The following LNPEP variants were observed in gnomAD, a reference collection of about 807,000 sequenced individuals.
The protein encoded by LNPEP is leucyl-cystinyl aminopeptidase.
Under a neutral mutation model 120.6 loss-of-function variants are expected in LNPEP, and 64 were observed. The observed-to-expected ratio is 0.53, with a 90% confidence interval of 0.43 to 0.65. LNPEP has a LOEUF of 0.65. LNPEP is among the 30% of genes least tolerant of loss of function. LNPEP has a pLI of 0.00. For synonymous variants in LNPEP, 435 were observed against 425.4 expected, an observed-to-expected ratio of 1.02 and a Z score of -0.28; for missense variants, 1,057 against 1,200.0, an observed-to-expected ratio of 0.88 and a Z score of 1.76.
At position 96,979,503 on chromosome 5, in the gene LNPEP, T is replaced by G; in HGVS notation, c.385T>G (p.Tyr129Asp). ...VVAVSVIMVI[Y>D]LLPRCTFTKE... ...TGCTGTTTCTGTAATCATGGTGATTTACTTACTGCCCAGATGTACCTTTAC... is the reference window on the plus strand; with the variant it reads ...TGCTGTTTCTGTAATCATGGTGATTGACTTACTGCCCAGATGTACCTTTAC... The change falls in exon 2 of 18, where the codon TAC (tyrosine) becomes GAC (aspartate). Residue 129 changes from tyrosine to aspartate, a missense_variant. Physicochemically the swap from Tyr to Asp is radical, Grantham distance 160. Transcript: ENST00000231368. 1 of 1,614,066 alleles carries G rather than the reference T, an allele frequency of 6.2e-7. No homozygotes were observed. The highest frequency in any genetic ancestry group is 8.5e-7 in the Non-Finnish European group (1 of 1,179,960).
At chr5:97,007,365 G>A (rs1790811421) in intron 11 of LNPEP, among the ~76,000 whole-genome samples, 1 of 152,096 alleles carries the variant, frequency 6.6e-6, no homozygotes, top group Admixed American at 6.6e-5. Flanking sequence ...TTTTAGGCGA[G>A]TTATGTGAGC....
rs1249678990 is a variant in LNPEP, at chr5:97,024,553, A to G, written c.2594A>G (p.Lys865Arg). ...LPTDVMTTVFKVGAKTDKGWS... is the reference protein window; with the variant it reads ...LPTDVMTTVFRVGAKTDKGWS... ...ACTGATGTCATGACAACTGTGTTCA[A>G]AGTTGGAGCAAAAACTGACAAAGGC... Residue 865 changes from lysine to arginine, a missense_variant, in exon 15 of 18, where the codon AAA becomes AGA. Coordinates refer to ENST00000231368, the MANE Select transcript of LNPEP (RefSeq NM_005575.3). 1 of 1,614,050 alleles carries G rather than the reference A, an allele frequency of 6.2e-7. No individual in the cohort carries two copies. The highest frequency in any genetic ancestry group is 8.5e-7 in the Non-Finnish European group (1 of 1,179,952).
chr5:97,008,660 C>CTGT (rs1158708951), intron 11 of LNPEP, among the ~76,000 whole-genome samples: 3 of 69,738 alleles, frequency 4.3e-5, no homozygotes, highest in African/African-American at 1.5e-4. Flanking sequence ...CTCCTCTTTA[C>CTGT]TCTTTTTTTT....
intron 3 of LNPEP, among the ~76,000 whole-genome samples, chr5:96,985,546 G>A (rs1487988274): frequency 1.3e-5 from 2 of 152,072 alleles, no homozygotes; most frequent in Non-Finnish European, 2.9e-5. Flanking sequence ...GGATGAATTT[G>A]CTATTCTAAA....
intron 7 of LNPEP, 74 bp downstream of exon 7, chr5:96,996,577 T>G: frequency 1.3e-6 from 1 of 799,644 alleles, no homozygotes; most frequent in Non-Finnish European, 2.2e-6. Context: ...TCATGTATTT[T>G]CTGTGCATCT....
At chr5:97,001,199 G>A (rs1444143782) in intron 8 of LNPEP, among the ~76,000 whole-genome samples, 1 of 152,226 alleles carries the variant, frequency 6.6e-6, no homozygotes, top group Non-Finnish European at 1.5e-5. Flanking sequence ...CGAGATAATG[G>A]TAGCCTGGAC....
intron 2 of LNPEP, among the ~76,000 whole-genome samples, chr5:96,983,242 G>T (rs751314424): frequency 6.6e-6 from 1 of 152,068 alleles, no homozygotes; most frequent in African/African-American, 2.4e-5. Flanking sequence ...AATGAGAGAG[G>T]CTACCACCTC....
chr5:96,974,514 A>G (rs192665653), intron 1 of LNPEP, among the ~76,000 whole-genome samples: 2 of 152,240 alleles, frequency 1.3e-5, no homozygotes, highest in Admixed American at 1.3e-4. Context: ...GCAGAAATAC[A>G]TGCCCAAGTT....
chr5:96,944,266 T>C (rs563575195), intron 1 of LNPEP, among the ~76,000 whole-genome samples: 2 of 152,202 alleles, frequency 1.3e-5, no homozygotes, highest in African/African-American at 4.8e-5. Flanking sequence ...CATTTCATTG[T>C]CAATGAAAAG....
intron 1 of LNPEP, among the ~76,000 whole-genome samples, chr5:96,959,622 A>C (rs1415258405): frequency 6.6e-6 from 1 of 152,196 alleles, no homozygotes; most frequent in African/African-American, 2.4e-5. Context: ...GGTGATTTTT[A>C]AAACAACTTT....
intron 16 of LNPEP, 34 bp downstream of exon 16, chr5:97,026,791 T>C: frequency 6.3e-7 from 1 of 1,583,458 alleles, no homozygotes; most frequent in Non-Finnish European, 8.6e-7. Flanking sequence ...ACTTTTAGTA[T>C]TCTCAAGTTG....
chr5:97,024,445 C>T lies in LNPEP; in HGVS notation c.2562-76C>T, dbSNP rs1313123745. The stretch of plus-strand genomic sequence containing the variant: ...ATTACCAACCCTCACACCAGAAACT[C>T]CACCACAGCCAACTCTTCGCCTTTG... On this transcript the variant is annotated intron_variant, in intron 14 of 17. Transcript: ENST00000231368. 16 of 1,384,860 alleles carry T rather than the reference C, an allele frequency of 1.2e-5. No individual in the cohort carries two copies. In the South Asian group the frequency reaches 1.9e-4, roughly 17 times the overall value. The allele number at this position is 1,384,860 out of a possible 1,614,324, so 85.8% of individuals were successfully genotyped here.
In LNPEP at chr5:96,982,358, A is replaced by G. The variant is rs191613790; in HGVS notation, c.860+2380A>G. ...ATAAAGTGTTCAACTTTAGTATTTC[A>G]GAAAGGAAATATACTCTCCAGTGAA... is the stretch of plus-strand genomic sequence containing the variant. On this transcript the variant is annotated intron_variant, in intron 2 of 17. Transcript: ENST00000231368. 2.1e-3 allele frequency among the ~76,000 whole-genome samples: 313 copies of G among 152,330 alleles called. 1 individual carries two copies. Among genetic ancestry groups the G allele is most frequent in the Non-Finnish European group, 4.0e-3 (273 of 68,022 alleles).
intron 1 of LNPEP, among the ~76,000 whole-genome samples, chr5:96,954,868 C>T (rs1334276468): frequency 1.4e-5 from 2 of 142,572 alleles, no homozygotes; most frequent in Non-Finnish European, 3.0e-5. Flanking sequence ...CTGCAAGCTC[C>T]GCCTCCTGGG....
rs71654354 is a variant in LNPEP at position 97,002,013 on chromosome 5, C to T, written c.1654-1402C>T. On this transcript the variant is annotated intron_variant, in intron 8 of 17. Coordinates refer to ENST00000231368, the MANE Select transcript of LNPEP (RefSeq NM_005575.3). ...AAATTAGCTGGGCGTGGTGGTGGTG[C>T]CTGTAATCCCAGCTACTCAGGAGGC... is the stretch of plus-strand genomic sequence containing the variant. Among the ~76,000 whole-genome samples, 234 of 152,144 alleles carry T rather than the reference C, an allele frequency of 1.5e-3. 1 individual carries two copies. Among genetic ancestry groups the T allele is most frequent in the Non-Finnish European group, 2.2e-3 (151 of 67,994 alleles).
At chr5:97,015,574 G>A (rs551074909) in intron 13 of LNPEP, among the ~76,000 whole-genome samples, 34 of 152,100 alleles carry the variant, frequency 2.2e-4, no homozygotes, top group Non-Finnish European at 4.0e-4. Context: ...AGGAGTCTTA[G>A]TATTAGAGAC....
Position 97,013,703 on chromosome 5 carries a change from T to C in LNPEP, c.2091T>C (p.Asn697=), listed in dbSNP as rs1790992658. The C allele has an allele frequency of 2.5e-6, 4 of 1,599,694 alleles. No individual in the cohort carries two copies. Among genetic ancestry groups the C allele is most frequent in the Non-Finnish European group, 3.4e-6 (4 of 1,172,942 alleles). ...VLWVKVNINM[N]GYYIVHYADD... ...GGGTCAAAGTGAATATAAACATGAA[T>C]GGTTATTATATTGTACACTATGCAG... is the stretch of plus-strand genomic sequence containing the variant. The change falls in exon 12 of 18, where the codon AAT becomes AAC. Residue 697 remains asparagine (N), a synonymous_variant. Transcript: ENST00000231368.
At chr5:96,951,225 G>A (rs1383016252) in intron 1 of LNPEP, among the ~76,000 whole-genome samples, 1 of 147,108 alleles carries the variant, frequency 6.8e-6, no homozygotes, top group Admixed American at 7.0e-5. Context: ...GTCTCCAAAT[G>A]CAATCACAAT....
intron 1 of LNPEP, among the ~76,000 whole-genome samples, chr5:96,963,417 C>T (rs1278504179): frequency 6.6e-6 from 1 of 152,168 alleles, no homozygotes; most frequent in African/African-American, 2.4e-5. Context: ...TAGCAGTCAT[C>T]ATCTGGCAGC....
Sources: gnomAD v4.1 joint callset for allele counts (sites outside exome capture counted in the v4.1 genomes callset) on GRCh38, gnomAD v4.1.1 for gene constraint, MANE v1.5 for transcripts, NCBI Gene and HGNC (gene_info 2026-07-23, HGNC 2026-07-21) for gene names.